The following FAM193B variants were observed in gnomAD, a reference collection of about 807,000 sequenced individuals.
FAM193B encodes family with sequence similarity 193 member B.
Under a neutral mutation model 70.7 loss-of-function variants are expected in FAM193B, and 27 were observed. The ratio of observed to expected loss-of-function variants is 0.38; its 90% CI spans 0.28 to 0.53. The LOEUF (loss-of-function observed/expected upper bound fraction) is 0.53. Among genes scored for constraint, FAM193B ranks in the 20% least tolerant of loss-of-function variants. The pLI, the probability that FAM193B is intolerant of heterozygous loss-of-function variation, is 0.81. For synonymous variants in FAM193B, 448 were observed against 436.0 expected (o/e 1.03, Z -0.34); for missense variants, 1,022 against 1,072.5 (o/e 0.95, Z 0.66).
At position 177,531,589 on chromosome 5, in the gene FAM193B, G is replaced by A. The variant is rs548812293; in HGVS notation, c.1275+854C>T. On this transcript the variant is annotated intron_variant, in intron 5 of 8. Transcript: ENST00000514747. ...GGGGGCCCACAGCACTCCCTCCCAC[G>A]GGCACCAAGTATGTGATGAGAAGCA... The A allele has an allele frequency of 7.7e-6, 9 of 1,164,644 alleles. No individual in the cohort carries two copies. In the African/African-American group the frequency reaches 9.7e-5, roughly 12 times the overall value. 72.1% of individuals were successfully genotyped at this position (1,164,644 alleles called of 1,614,324 possible). A position where few individuals can be genotyped will look rare whatever the true frequency, so the allele number is the denominator to read the frequency against.
chr5:177,543,072 G>A (rs1207372119), intron 1 of FAM193B, among the ~76,000 whole-genome samples: 2 of 152,260 alleles, frequency 1.3e-5, no homozygotes, highest in African/African-American at 2.4e-5. Context: ...TCTTAACCGC[G>A]TTAAGAGTAA....
Position 177,532,101 on chromosome 5 carries a change from C to A in FAM193B, c.1275+342G>T, listed in dbSNP as rs1178791573. The A allele has an allele frequency of 3.0e-6, 4 of 1,312,502 alleles. No individual in the cohort carries two copies. Among genetic ancestry groups the A allele is most frequent in the Non-Finnish European group, 4.0e-6 (4 of 1,004,684 alleles). 81.3% of individuals were successfully genotyped at this position (1,312,502 alleles called of 1,614,324 possible). On this transcript the variant is annotated intron_variant, in intron 5 of 8. Coordinates refer to ENST00000514747, the MANE Select transcript of FAM193B (RefSeq NM_001190946.3). This position sits in a 1 kb window ranked among gnomAD's most constrained non-coding sequence, Gnocchi z 4.9. The stretch of plus-strand genomic sequence containing the variant: ...GACTGAGAGCCTTTTTGCTTCCACT[C>A]TGCCTTCATCACTCCCAAGCGTTCA...
At chr5:177,534,377 A>G (rs1331447440) in intron 4 of FAM193B, among the ~76,000 whole-genome samples, 1 of 150,446 alleles carries the variant, frequency 6.6e-6, no homozygotes, top group Non-Finnish European at 1.5e-5. Flanking sequence ...GCTCACTGCA[A>G]CCTCCGCCTC....
rs886348356 is a variant in FAM193B, at chr5:177,532,175, CT to C, written c.1275+267del. 4.8e-6 allele frequency: 7 copies of C among 1,471,884 alleles called. No individual in the cohort carries two copies. Among genetic ancestry groups the C allele is most frequent in the Non-Finnish European group, 6.3e-6 (7 of 1,106,714 alleles). The allele number at this position is 1,471,884 out of a possible 1,614,324, so 91.2% of individuals were successfully genotyped here. On this transcript the variant is annotated intron_variant, in intron 5 of 8. Transcript: ENST00000514747. The surrounding 1 kb of genome is among the most constrained non-coding windows in gnomAD (Gnocchi z 4.9). ...ACATACTCATCAGAATCATAGCTTTCTCTCTGCCATTTCCTTTCCTTTTGCC... is the reference window on the plus strand; with the variant it reads ...ACATACTCATCAGAATCATAGCTTTCCTCTGCCATTTCCTTTCCTTTTGCC...
intron 5 of FAM193B, among the ~76,000 whole-genome samples, chr5:177,530,385 C>G (rs1029711488): frequency 6.6e-6 from 1 of 152,224 alleles, no homozygotes; most frequent in Non-Finnish European, 1.5e-5. Context: ...GCACCACCAT[C>G]TTGCTGGTCA....
chr5:177,543,458 C>T (rs1162990328), intron 1 of FAM193B, among the ~76,000 whole-genome samples: 1 of 152,212 alleles, frequency 6.6e-6, no homozygotes, highest in Non-Finnish European at 1.5e-5. Flanking sequence ...ATCCACTGTC[C>T]TCTCTGAGTT....
At chr5:177,527,529 A>G (rs1762799367) in intron 5 of FAM193B, among the ~76,000 whole-genome samples, 1 of 152,256 alleles carries the variant, frequency 6.6e-6, no homozygotes. Flanking sequence ...TGGCTGCCAC[A>G]GCAGCCCCAC....
intron 5 of FAM193B, among the ~76,000 whole-genome samples, chr5:177,528,594 G>A (rs1312331065): frequency 4.6e-5 from 7 of 152,236 alleles, no homozygotes; most frequent in Admixed American, 4.6e-4. Context: ...AAGGAAGAAA[G>A]TATGTTTGCA....
rs545088928 is a variant in FAM193B, at chr5:177,525,060, C to T, written c.1421G>A (p.Arg474His). 1.6e-5 allele frequency: 25 copies of T among 1,597,762 alleles called. No homozygotes were observed. In the African/African-American group the frequency reaches 2.0e-4, roughly 13 times the overall value. ...GACAGTGTTTTTGATCTCCTGCAGACGGCTGCTCAGGAAGCTGTTGACCCG... is the reference window on the plus strand; with the variant it reads ...GACAGTGTTTTTGATCTCCTGCAGATGGCTGCTCAGGAAGCTGTTGACCCG... ...LDRVNSFLSS[R>H]LQEIKNTVKD... The change falls in exon 6 of 9, where the codon CGT becomes CAT. Residue 474 changes from arginine (R) to histidine (H), a missense_variant. By Grantham distance (29) the Arg-to-His change is conservative. Transcript: ENST00000514747.
At chr5:177,549,187 CTTTTTT>C (rs141797022) in intron 1 of FAM193B, among the ~76,000 whole-genome samples, 4 of 93,022 alleles carry the variant, frequency 4.3e-5, no homozygotes, top group Admixed American at 1.2e-4. Flanking sequence ...ATTGTCTTTT[CTTTTTT>C]TTTTTTTTTT....
chr5:177,525,258 T>A (rs568979226), intron 5 of FAM193B, 53 bp from the exon 6 acceptor site: 2 of 1,403,244 alleles, frequency 1.4e-6, no homozygotes, highest in East Asian at 5.3e-5. Flanking sequence ...CCAGGCACAA[T>A]GTGATACCTG....
rs772409219 is a variant in FAM193B, at chr5:177,524,889, T to C, written c.1592A>G (p.Asn531Ser). The C allele has an allele frequency of 4.0e-6, 6 of 1,510,498 alleles. No homozygotes were observed. Among genetic ancestry groups the C allele is most frequent in the East Asian group, 4.6e-5 (2 of 43,376 alleles). The allele number at this position is 1,510,498 out of a possible 1,614,324, so 93.6% of individuals were successfully genotyped here. A position where few individuals can be genotyped will look rare whatever the true frequency, so the allele number is the denominator to read the frequency against. The change falls in exon 6 of 9, where the codon AAC (asparagine) becomes AGC (serine). Residue 531 changes from asparagine (N) to serine (S), a missense_variant. Coordinates refer to ENST00000514747, the MANE Select transcript of FAM193B (RefSeq NM_001190946.3). ...CAAAGTCAAAGGGGACAGGTCAAGG[T>C]TGATGTCAGGCTGCTGCTCTGAGGA... ...SGSSEQQPDI[N>S]LDLSPLTLGS...
chr5:177,553,956 C>A, intron 1 of FAM193B: 1 of 1,238,484 alleles, frequency 8.1e-7, no homozygotes, highest in Non-Finnish European at 1.0e-6. Flanking sequence ...GGGATCACAG[C>A]CCAGTCCCAG....
At chr5:177,539,574 C>T (rs998959370) in intron 1 of FAM193B, among the ~76,000 whole-genome samples, 1 of 152,222 alleles carries the variant, frequency 6.6e-6, no homozygotes, top group East Asian at 1.9e-4. Context: ...GGAAAGAATG[C>T]TTTTAGTCAG....
intron 1 of FAM193B, among the ~76,000 whole-genome samples, chr5:177,552,688 A>C (rs1041017841): frequency 2.0e-5 from 3 of 152,178 alleles, no homozygotes; most frequent in Non-Finnish European, 2.9e-5. Context: ...AGCTAGACCC[A>C]GTAGGGGTTG....
At chr5:177,545,821 A>G (rs1765362258) in intron 1 of FAM193B, among the ~76,000 whole-genome samples, 1 of 152,108 alleles carries the variant, frequency 6.6e-6, no homozygotes, top group South Asian at 2.1e-4. Context: ...GGCCTCATTC[A>G]TCCCATGGAT....
chr5:177,544,445 A>C (rs1468687486), intron 1 of FAM193B, among the ~76,000 whole-genome samples: 1 of 152,262 alleles, frequency 6.6e-6, no homozygotes, highest in Non-Finnish European at 1.5e-5. Context: ...AGAATGACTT[A>C]CTATTTAGAC....
In FAM193B at chr5:177,524,653, C is replaced by T. The variant is rs749042574; in HGVS notation, c.1828G>A (p.Glu610Lys). 2.5e-5 allele frequency: 41 copies of T among 1,612,442 alleles called. No individual in the cohort carries two copies. The highest frequency in any genetic ancestry group is 1.2e-4 in the Admixed American group (7 of 59,896). The change falls in exon 6 of 9, where the codon GAG becomes AAG. Residue 610 changes from glutamate (E) to lysine (K), a missense_variant. Transcript: ENST00000514747. ...KTPKPGYPSS[E>K]EPSSKEVPSC... ...GGAACTTCCTTTGAGCTTGGCTCCT[C>T]GGAGCTGGGGTAGCCCGGCTTGGGT...
chr5:177,539,393 T>G, intron 1 of FAM193B: 1 of 464,814 alleles, frequency 2.2e-6, no homozygotes, highest in Non-Finnish European at 3.8e-6. Context: ...TAGCGAGTGG[T>G]TGAACCCTAG....
Sources: gnomAD v4.1 joint callset for allele counts (sites outside exome capture counted in the v4.1 genomes callset) on GRCh38, gnomAD v4.1.1 for gene constraint, Gnocchi (gnomAD v3.1) non-coding constraint, MANE v1.5 for transcripts, NCBI Gene and HGNC (gene_info 2026-07-23, HGNC 2026-07-21) for gene names.